Variants in SEMA5A observed in about 807,000 individuals in gnomAD.
SEMA5A encodes semaphorin 5A, also known as semaphorin-5A.
SEMA5A carries 55 observed loss-of-function variants against 135.5 expected under a neutral mutation model. That is an observed-to-expected ratio of 0.41 (90% CI 0.33 to 0.51). SEMA5A has a LOEUF of 0.51. Ranked by LOEUF, SEMA5A falls within the 20% of genes least tolerant of loss-of-function variation. SEMA5A has a pLI of 0.37. For missense variants in SEMA5A, 1,290 were observed against 1,419.9 expected (o/e 0.91, Z 1.47); for synonymous variants, 580 against 546.5 (o/e 1.06, Z -0.85).
In SEMA5A at chr5:9,054,403, C is replaced by T. The variant is rs566069120; in HGVS notation, c.2519-146G>A. The T allele has an allele frequency of 1.9e-4, 183 of 969,988 alleles. No individual in the cohort carries two copies. In the African/African-American group the frequency reaches 2.5e-3, roughly 13 times the overall value. The allele number at this position is 969,988 out of a possible 1,614,324, so 60.1% of individuals were successfully genotyped here. On this transcript the variant is annotated intron_variant, in intron 18 of 22. Coordinates refer to ENST00000382496, the MANE Select transcript of SEMA5A (RefSeq NM_003966.3). ...CCAGAAAGGCTTCAGTGCATAGGCA[C>T]ACGTAGCAACAAGGCTTCTGACCCC...
At chr5:9,396,832 G>A (rs1328185064) in intron 2 of SEMA5A, among the ~76,000 whole-genome samples, 1 of 152,178 alleles carries the variant, frequency 6.6e-6, no homozygotes, top group Non-Finnish European at 1.5e-5. Flanking sequence ...TACAGAGTCT[G>A]TGAGCATAAA....
At chr5:9,206,312 C>T (rs1258167489) in intron 8 of SEMA5A, among the ~76,000 whole-genome samples, 1 of 151,990 alleles carries the variant, frequency 6.6e-6, no homozygotes, top group Non-Finnish European at 1.5e-5. Flanking sequence ...TTATGTATTA[C>T]CGTGTTGTAC....
At chr5:9,511,746 T>C (rs1360446291) in intron 1 of SEMA5A, among the ~76,000 whole-genome samples, 1 of 152,216 alleles carries the variant, frequency 6.6e-6, no homozygotes, top group African/African-American at 2.4e-5. Context: ...ATATGTTAAT[T>C]AGCTGGATTT....
Position 9,042,656 on chromosome 5 carries a change from A to T in SEMA5A, c.*241T>A, listed in dbSNP as rs1736024162. 9 of 452,604 alleles carry T rather than the reference A, an allele frequency of 2.0e-5. No individual in the cohort carries two copies. The highest frequency in any genetic ancestry group is 4.2e-5 in the Admixed American group (1 of 23,830). 28.0% of individuals were successfully genotyped at this position (452,604 alleles called of 1,614,324 possible). A position where few individuals can be genotyped will look rare whatever the true frequency, so the allele number is the denominator to read the frequency against. ...GACTTGTCAGAAAAATAGGATGAAC[A>T]CAATTAAAAACTTCACACCCTGGCT... On this transcript the variant is annotated 3_prime_UTR_variant, in exon 23 of 23. Coordinates refer to ENST00000382496, the MANE Select transcript of SEMA5A (RefSeq NM_003966.3).
intron 10 of SEMA5A, among the ~76,000 whole-genome samples, chr5:9,194,858 G>T (rs181864887): frequency 1.3e-5 from 2 of 152,088 alleles, no homozygotes; most frequent in Non-Finnish European, 2.9e-5. Context: ...AAAACCAGTC[G>T]CTCCTGGCCT....
At chr5:9,182,184 A>C (rs1744561666) in intron 11 of SEMA5A, among the ~76,000 whole-genome samples, 2 of 136,482 alleles carry the variant, frequency 1.5e-5, no homozygotes, top group Non-Finnish European at 1.5e-5. Flanking sequence ...CTTCCTGAGG[A>C]CAGGGTGTCT....
At chr5:9,528,438 C>G (rs546462942) in intron 1 of SEMA5A, among the ~76,000 whole-genome samples, 1 of 152,250 alleles carries the variant, frequency 6.6e-6, no homozygotes, top group African/African-American at 2.4e-5. Flanking sequence ...GTCTCCCCAC[C>G]CACAAATTCT....
chr5:9,438,995 C>G (rs1758134750), intron 1 of SEMA5A, among the ~76,000 whole-genome samples: 1 of 152,206 alleles, frequency 6.6e-6, no homozygotes, highest in Non-Finnish European at 1.5e-5. Flanking sequence ...GTCTCCCTTC[C>G]TCCAGGACGG....
chr5:9,379,746 T>G (rs1360128852), intron 3 of SEMA5A, 77 bp downstream of exon 3: 1 of 1,532,420 alleles, frequency 6.5e-7, no homozygotes, highest in Non-Finnish European at 8.9e-7. Context: ...TTCGTGATGC[T>G]CTATTATCTT....
intron 11 of SEMA5A, 54 bp from the exon 12 acceptor site, chr5:9,154,749 A>C: frequency 5.5e-6 from 8 of 1,450,046 alleles, no homozygotes; most frequent in Non-Finnish European, 5.8e-6. Context: ...TCACAAACCA[A>C]TCCCTGGTTA....
At chr5:9,224,924 G>A in intron 7 of SEMA5A, 37 bp from the exon 8 acceptor site, 2 of 1,562,930 alleles carry the variant, frequency 1.3e-6, no homozygotes, top group East Asian at 2.3e-5. Context: ...AGTTATCTCT[G>A]CACAAGCCCC....
chr5:9,380,113 GT>G, intron 2 of SEMA5A, 90 bp from the exon 3 acceptor site: 1 of 814,628 alleles, frequency 1.2e-6, no homozygotes, highest in Non-Finnish European at 1.9e-6. Context: ...TAACTTTAAG[GT>G]TACACTTTGT....
chr5:9,162,132 T>C (rs1468060696), intron 11 of SEMA5A, among the ~76,000 whole-genome samples: 1 of 152,234 alleles, frequency 6.6e-6, no homozygotes, highest in Non-Finnish European at 1.5e-5. Flanking sequence ...TAGAGTTTTC[T>C]ATCTACCAAG....
At chr5:9,299,002 C>T (rs890051143) in intron 5 of SEMA5A, among the ~76,000 whole-genome samples, 4 of 152,154 alleles carry the variant, frequency 2.6e-5, no homozygotes, top group African/African-American at 9.7e-5. Flanking sequence ...TCCAGTTAGT[C>T]ATTTGGACAG....
At chr5:9,332,693 G>C (rs1034551847) in intron 4 of SEMA5A, among the ~76,000 whole-genome samples, 2 of 152,180 alleles carry the variant, frequency 1.3e-5, no homozygotes, top group African/African-American at 4.8e-5. Context: ...GAGGCATGCA[G>C]CTATGGGCTG....
chr5:9,081,917 C>T (rs1738409063), intron 16 of SEMA5A, among the ~76,000 whole-genome samples: 1 of 152,112 alleles, frequency 6.6e-6, no homozygotes, highest in Non-Finnish European at 1.5e-5. Context: ...AGAGTTTTTC[C>T]TAAAAGGCGA....
intron 3 of SEMA5A, among the ~76,000 whole-genome samples, chr5:9,369,556 G>A (rs865774933): frequency 6.6e-6 from 1 of 152,088 alleles, no homozygotes; most frequent in African/African-American, 2.4e-5. Flanking sequence ...ACTTTTTGCA[G>A]AGAGATATAC....
chr5:9,542,915 T>A (rs1738169575), intron 1 of SEMA5A, among the ~76,000 whole-genome samples: 1 of 152,238 alleles, frequency 6.6e-6, no homozygotes, highest in Non-Finnish European at 1.5e-5. Context: ...AATGCCTTTA[T>A]ACTCTTGGCT....
intron 16 of SEMA5A, among the ~76,000 whole-genome samples, chr5:9,089,577 T>A (rs1011991841): frequency 9.9e-5 from 15 of 152,128 alleles, no homozygotes; most frequent in African/African-American, 2.2e-4. Context: ...CTGGAAGGAA[T>A]CTTTGGGATA....
Sources: allele counts gnomAD v4.1 joint callset (sites outside exome capture counted in the v4.1 genomes callset), GRCh38; gene constraint gnomAD v4.1.1; transcripts MANE v1.5; gene names NCBI Gene and HGNC (gene_info 2026-07-23, HGNC 2026-07-21).